MECOM: variants seen among roughly 807,000 people sequenced by gnomAD.
The protein encoded by MECOM is histone-lysine N-methyltransferase MECOM.
In MECOM, 13 loss-of-function variants were observed where a neutral mutation model predicts 116.3. The observed-to-expected ratio is 0.11, with a 90% CI of 0.07 to 0.18. MECOM has a LOEUF of 0.18. Among genes scored for constraint, MECOM ranks in the 10% least tolerant of loss-of-function variants. The pLI is 1.00. For synonymous variants in MECOM, 528 were observed against 535.2 expected (o/e 0.99, Z 0.19); for missense variants, 1,299 against 1,509.0 (o/e 0.86, Z 2.31).
intron 1 of MECOM, among the ~76,000 whole-genome samples, chr3:169,533,591 T>TTTTTTTTTTTTTTTTTAC (rs55667588): frequency 7.3e-4 from 97 of 132,202 alleles, no homozygotes; most frequent in Non-Finnish European, 1.2e-3. Context: ...TTTTTTTTTT[T>TTTTTTTTTTTTTTTTTAC]ATTTCCTTAT....
chr3:169,400,839 C>CCCTGTTGT (rs1490362504), intron 1 of MECOM, among the ~76,000 whole-genome samples: 1 of 152,166 alleles, frequency 6.6e-6, no homozygotes, highest in Non-Finnish European at 1.5e-5. Context: ...TATCCAGAAA[C>CCCTGTTGT]AGGGGACACA....
intron 1 of MECOM, chr3:169,389,581 CATAAGCT>C: frequency 4.1e-6 from 4 of 985,366 alleles, no homozygotes; most frequent in Non-Finnish European, 4.8e-6. Context: ...GCTTTTTCTT[CATAAGCT>C]TTCTATGTCC....
rs115950325 is a variant in MECOM at position 169,632,851 on chromosome 3, T to C, written c.37+30485A>G. On this transcript the variant is annotated intron_variant, in intron 1 of 16. Transcript: ENST00000651503. ...AGGTTGTAAATCAAAAGGAAAAGGC[T>C]TGGATGGACTTCCTGAACATTTTGT... 6.9e-3 allele frequency among the ~76,000 whole-genome samples: 1,051 copies of C among 152,342 alleles called. 14 individuals are homozygous for C. The highest frequency in any genetic ancestry group is 0.025 in the African/African-American group (1,023 of 41,582).
intron 3 of MECOM, among the ~76,000 whole-genome samples, chr3:169,141,574 A>G (rs141909989): frequency 7.2e-4 from 109 of 152,076 alleles, no homozygotes; most frequent in African/African-American, 2.5e-3. Context: ...TCCAACATTC[A>G]CATTTCAAAG....
chr3:169,299,210 C>T (rs1221280041), intron 2 of MECOM, among the ~76,000 whole-genome samples: 1 of 152,142 alleles, frequency 6.6e-6, no homozygotes, highest in Non-Finnish European at 1.5e-5. Flanking sequence ...CAAGACACCA[C>T]ACTCAGGAGG....
intron 2 of MECOM, among the ~76,000 whole-genome samples, chr3:169,328,935 C>T (rs1457463862): frequency 6.6e-6 from 1 of 152,148 alleles, no homozygotes; most frequent in African/African-American, 2.4e-5. Flanking sequence ...ATCTGAGTAC[C>T]TGACTTTAGA....
chr3:169,230,778 G>T (rs911060454), intron 2 of MECOM, among the ~76,000 whole-genome samples: 1 of 152,058 alleles, frequency 6.6e-6, no homozygotes, highest in African/African-American at 2.4e-5. Context: ...TGGTCATTTT[G>T]AAGGTCAATC....
chr3:169,458,356 TGTG>T (rs1381931115), intron 1 of MECOM, among the ~76,000 whole-genome samples: 2 of 152,204 alleles, frequency 1.3e-5, no homozygotes, highest in Non-Finnish European at 2.9e-5. Flanking sequence ...CACAGAGAGC[TGTG>T]GTGCTTATTT....
At chr3:169,456,939 A>T (rs752509601) in intron 1 of MECOM, among the ~76,000 whole-genome samples, 1 of 152,204 alleles carries the variant, frequency 6.6e-6, no homozygotes, top group Non-Finnish European at 1.5e-5. Flanking sequence ...AACCACTGGA[A>T]GCAGGCAGGA....
At chr3:169,385,769 T>C (rs1733218918) in intron 1 of MECOM, among the ~76,000 whole-genome samples, 1 of 152,198 alleles carries the variant, frequency 6.6e-6, no homozygotes, top group African/African-American at 2.4e-5. Context: ...GGAAAATTGG[T>C]AGATCCTTTC....
At chr3:169,471,365 A>G (rs1013967729) in intron 1 of MECOM, among the ~76,000 whole-genome samples, 1 of 47,734 alleles carries the variant, frequency 2.1e-5, no homozygotes, top group African/African-American at 1.2e-4. Flanking sequence ...TACCTCAGGA[A>G]AAAAAAAAAA....
At position 169,159,090 on chromosome 3, in the gene MECOM, A is replaced by G. The variant is rs148374596; in HGVS notation, c.376-15258T>C. On this transcript the variant is annotated intron_variant, in intron 2 of 16. Transcript: ENST00000651503. The stretch of plus-strand genomic sequence containing the variant: ...GGAAGTTTTCTTCCTAGGGCCCAGT[A>G]AACTACAAGCTTCCTCTCAGCAAAA... Among the ~76,000 whole-genome samples, 16 of 152,312 alleles carry G rather than the reference A, an allele frequency of 1.1e-4. No homozygotes were observed. The East Asian group carries it at 3.1e-3, about 29-fold the overall frequency.
intron 2 of MECOM, among the ~76,000 whole-genome samples, chr3:169,188,447 G>A (rs1201646787): frequency 6.6e-6 from 1 of 152,010 alleles, no homozygotes; most frequent in Non-Finnish European, 1.5e-5. Flanking sequence ...AGAAAACAAG[G>A]TCAATTTGAC....
At chr3:169,088,328 G>T (rs1228466467) in intron 16 of MECOM, among the ~76,000 whole-genome samples, 1 of 152,110 alleles carries the variant, frequency 6.6e-6, no homozygotes, top group Admixed American at 6.5e-5. Context: ...TCTTTTAATT[G>T]CTATTTATGG....
intron 2 of MECOM, among the ~76,000 whole-genome samples, chr3:169,375,609 C>A (rs148999303): frequency 6.6e-6 from 1 of 152,068 alleles, no homozygotes; most frequent in Non-Finnish European, 1.5e-5. Flanking sequence ...GACAAATACA[C>A]CCTCCAAAGG....
intron 1 of MECOM, among the ~76,000 whole-genome samples, chr3:169,470,563 G>A (rs896645350): frequency 6.6e-6 from 1 of 152,178 alleles, no homozygotes; most frequent in Non-Finnish European, 1.5e-5. Flanking sequence ...ATGGGGTACA[G>A]GTGTATGAGG....
At chr3:169,284,828 T>TA (rs1428265868) in intron 2 of MECOM, among the ~76,000 whole-genome samples, 2 of 152,172 alleles carry the variant, frequency 1.3e-5, no homozygotes, top group African/African-American at 4.8e-5. Flanking sequence ...TAATTTCTCA[T>TA]GTTAGTGTTG....
chr3:169,205,865 G>T (rs192570556), intron 2 of MECOM, among the ~76,000 whole-genome samples: 1 of 152,208 alleles, frequency 6.6e-6, no homozygotes, highest in East Asian at 1.9e-4. Context: ...ATAATCACAT[G>T]AACAAAAAGT....
At chr3:169,217,474 T>C (rs1751555841) in intron 2 of MECOM, among the ~76,000 whole-genome samples, 1 of 152,100 alleles carries the variant, frequency 6.6e-6, no homozygotes, top group Non-Finnish European at 1.5e-5. Context: ...CACTACTATA[T>C]ACATGAAATG....
Sources: allele counts gnomAD v4.1 joint callset (sites outside exome capture counted in the v4.1 genomes callset), GRCh38; gene constraint gnomAD v4.1.1; transcripts MANE v1.5; gene names NCBI Gene and HGNC (gene_info 2026-07-23, HGNC 2026-07-21).